DCC: variants seen among roughly 807,000 people sequenced by gnomAD.
DCC encodes DCC netrin 1 receptor.
DCC carries 58 observed loss-of-function variants against 172.5 expected under a neutral mutation model. The ratio of observed to expected loss-of-function variants is 0.34; its 90% confidence interval spans 0.27 to 0.42. The LOEUF (loss-of-function observed/expected upper bound fraction) is 0.42. DCC is among the 10% of genes least tolerant of loss of function. The probability of loss-of-function intolerance (pLI) is 1.00; values close to 1 mark genes in which losing one functional copy is unlikely to be tolerated. For synonymous variants in DCC, 709 were observed against 644.5 expected (o/e 1.10, Z -1.52); for missense variants, 1,740 against 1,791.0 (o/e 0.97, Z 0.51).
intron 2 of DCC, among the ~76,000 whole-genome samples, chr18:52,891,454 A>C (rs2039649464): frequency 6.6e-6 from 1 of 152,172 alleles, no homozygotes; most frequent in Non-Finnish European, 1.5e-5. Context: ...GTTTAAACAT[A>C]GAATCACAAA....
chr18:53,181,934 T>C (rs932464987), intron 9 of DCC, among the ~76,000 whole-genome samples: 2 of 152,224 alleles, frequency 1.3e-5, no homozygotes, highest in Admixed American at 6.5e-5. Context: ...GCCCAGATCA[T>C]ACTGCATCCA....
intron 7 of DCC, among the ~76,000 whole-genome samples, chr18:53,130,988 C>T (rs1285084004): frequency 1.3e-5 from 2 of 152,000 alleles, no homozygotes; most frequent in Non-Finnish European, 2.9e-5. Flanking sequence ...TGCTGATGAA[C>T]AGCAAATGTA....
chr18:53,402,409 TA>T lies in DCC; in HGVS notation c.2828-374del, dbSNP rs200108999. Among the ~76,000 whole-genome samples, 1,082 of 151,064 alleles carry T rather than the reference TA, an allele frequency of 7.2e-3. 16 individuals carry two copies. Among genetic ancestry groups the T allele is most frequent in the Admixed American group, 0.026 (395 of 15,184 alleles). ...TGTCTCAAAAAAAAAAAAAAATAAA[TA>T]AATAAATAATAAACTAGAAAAAGAT... On this transcript the variant is annotated intron_variant, in intron 18 of 28. Coordinates refer to ENST00000442544, the MANE Select transcript of DCC (RefSeq NM_005215.4).
At chr18:53,090,636 GTGAGCCGAGATCACACCACTGCAC>G (rs1225068970) in intron 7 of DCC, among the ~76,000 whole-genome samples, 27 of 131,912 alleles carry the variant, frequency 2.0e-4, no homozygotes, top group African/African-American at 7.7e-4. Context: ...AGAGCTTGCA[GTGAGCCGAGATCACACCACTGCAC>G]TCCAGCCTGG....
chr18:52,477,155 A>G (rs1312174274), intron 1 of DCC, among the ~76,000 whole-genome samples: 1 of 152,138 alleles, frequency 6.6e-6, no homozygotes, highest in Non-Finnish European at 1.5e-5. Context: ...ATGTAGAGAC[A>G]TGGTGGTGAT....
intron 1 of DCC, among the ~76,000 whole-genome samples, chr18:52,546,410 G>A (rs1161747633): frequency 6.6e-6 from 1 of 152,026 alleles, no homozygotes; most frequent in Non-Finnish European, 1.5e-5. Flanking sequence ...TATGTAGGGA[G>A]CAGCACAGCC....
At chr18:52,991,194 G>T (rs1347201197) in intron 5 of DCC, among the ~76,000 whole-genome samples, 1 of 152,134 alleles carries the variant, frequency 6.6e-6, no homozygotes, top group Non-Finnish European at 1.5e-5. Context: ...AGAACCTGTG[G>T]CATATAGCAG....
chr18:53,428,064 TATATC>T lies in DCC; in HGVS notation c.3164-7075_3164-7071del, dbSNP rs1307223398. 8.7e-4 allele frequency among the ~76,000 whole-genome samples: 44 copies of T among 50,856 alleles called. 2 individuals carry two copies. Among genetic ancestry groups the T allele is most frequent in the African/African-American group, 2.6e-3 (44 of 16,916 alleles). The allele number at this position is 50,856 out of a possible 152,430, so 33.4% of individuals were successfully genotyped here. A position where few individuals can be genotyped will look rare whatever the true frequency, so the allele number is the denominator to read the frequency against. The stretch of plus-strand genomic sequence containing the variant: ...AATAATATATTATAATAATGTGTCA[TATATC>T]ATATAATATATTATAATAATATATA... On this transcript the variant is annotated intron_variant, in intron 21 of 28. Coordinates refer to ENST00000442544, the MANE Select transcript of DCC (RefSeq NM_005215.4).
At chr18:52,896,414 G>A (rs1429954674) in intron 2 of DCC, among the ~76,000 whole-genome samples, 4 of 152,138 alleles carry the variant, frequency 2.6e-5, no homozygotes, top group Non-Finnish European at 4.4e-5. Flanking sequence ...CACCAAAGAT[G>A]ACAGCAGAGC....
intron 15 of DCC, among the ~76,000 whole-genome samples, chr18:53,340,529 A>T (rs1407700928): frequency 6.6e-6 from 1 of 152,128 alleles, no homozygotes; most frequent in African/African-American, 2.4e-5. Context: ...TATTGTACTC[A>T]ACTCAACCTC....
intron 1 of DCC, among the ~76,000 whole-genome samples, chr18:52,434,120 T>C (rs1435101244): frequency 4.6e-5 from 7 of 152,234 alleles, no homozygotes; most frequent in Non-Finnish European, 7.3e-5. Context: ...ATGTAATCCA[T>C]ATTGTAATCA....
chr18:52,892,854 G>A (rs2039670945), intron 2 of DCC, among the ~76,000 whole-genome samples: 1 of 151,980 alleles, frequency 6.6e-6, no homozygotes, highest in Non-Finnish European at 1.5e-5. Context: ...CATTTTATTA[G>A]CTCCAATTTT....
chr18:52,639,238 C>T (rs1177072968), intron 1 of DCC, among the ~76,000 whole-genome samples: 10 of 151,994 alleles, frequency 6.6e-5, no homozygotes, highest in Admixed American at 6.6e-4. Context: ...AATCTAAGGT[C>T]ACACCTCAAG....
chr18:52,835,630 G>T lies in DCC; in HGVS notation c.413-70414G>T, dbSNP rs1283478508. Among the ~76,000 whole-genome samples, 6 of 152,216 alleles carry T rather than the reference G, an allele frequency of 3.9e-5. No individual in the cohort carries two copies. The East Asian group carries it at 1.2e-3, about 29-fold the overall frequency. On this transcript the variant is annotated intron_variant, in intron 2 of 28. Transcript: ENST00000442544. Reference sequence around the variant, plus strand: ...ATCTTCACTTTAGCAAATTGAAATGGCTTCAGAGTAAATTCACTTAAAATA... The same window carrying T: ...ATCTTCACTTTAGCAAATTGAAATGTCTTCAGAGTAAATTCACTTAAAATA...
chr18:53,353,221 C>T (rs909620570), intron 15 of DCC, among the ~76,000 whole-genome samples: 2 of 150,742 alleles, frequency 1.3e-5, no homozygotes, highest in South Asian at 4.2e-4. Context: ...TTGCAGTAAG[C>T]CGAGATCACG....
chr18:52,506,281 T>C (rs2031227670), intron 1 of DCC, among the ~76,000 whole-genome samples: 3 of 152,170 alleles, frequency 2.0e-5, no homozygotes, highest in Admixed American at 2.0e-4. Context: ...ACCTTTTTAA[T>C]GTTCACGATT....
intron 1 of DCC, among the ~76,000 whole-genome samples, chr18:52,492,947 G>A (rs909580875): frequency 1.3e-5 from 2 of 152,104 alleles, no homozygotes; most frequent in African/African-American, 4.8e-5. Flanking sequence ...ATGTGAAGGG[G>A]CATGTTGAGA....
intron 1 of DCC, among the ~76,000 whole-genome samples, chr18:52,548,236 C>A (rs974971878): frequency 1.3e-5 from 2 of 152,116 alleles, no homozygotes; most frequent in Admixed American, 6.6e-5. Context: ...GCAGGCAACA[C>A]TTTCTTAACC....
chr18:53,047,801 C>G (rs1457005007), intron 5 of DCC, among the ~76,000 whole-genome samples: 4 of 151,642 alleles, frequency 2.6e-5, no homozygotes, highest in Admixed American at 2.0e-4. Flanking sequence ...CTTAACCTCT[C>G]TACGCCTTAT....
Sources: allele counts gnomAD v4.1 joint callset (sites outside exome capture counted in the v4.1 genomes callset), GRCh38; gene constraint gnomAD v4.1.1; transcripts MANE v1.5; gene names NCBI Gene and HGNC (gene_info 2026-07-23, HGNC 2026-07-21).